N4BP2: variants seen among roughly 807,000 people sequenced by gnomAD.
N4BP2 encodes the protein NEDD4-binding protein 2.
Under a neutral mutation model 152.8 loss-of-function variants are expected in N4BP2, and 91 were observed. That is an observed-to-expected ratio of 0.60 (90% CI 0.50 to 0.71). The LOEUF (loss-of-function observed/expected upper bound fraction) is 0.71, where lower values mean the gene tolerates loss of function less well. Among genes scored for constraint, N4BP2 ranks in the 30% least tolerant of loss-of-function variants. The probability of loss-of-function intolerance (pLI) is 0.00; values close to 1 mark genes in which losing one functional copy is unlikely to be tolerated. For synonymous variants in N4BP2, 646 were observed against 705.3 expected, an observed-to-expected ratio of 0.92 and a Z score of 1.33; for missense variants, 1,923 against 2,059.1, an observed-to-expected ratio of 0.93 and a Z score of 1.28.
At chr4:40,067,054 CTTTTTTTTTT>C (rs34768159) in intron 1 of N4BP2, among the ~76,000 whole-genome samples, 1 of 91,618 alleles carries the variant, frequency 1.1e-5, no homozygotes, top group Non-Finnish European at 2.1e-5. Context: ...ACCTAATTTC[CTTTTTTTTTT>C]TTTTTTTTTT....
rs183593537 is a variant in N4BP2, at chr4:40,105,460, G to C, written c.1374-1440G>C. Among the ~76,000 whole-genome samples, 5 of 151,940 alleles carry C rather than the reference G, an allele frequency of 3.3e-5. No individual in the cohort carries two copies. The East Asian group carries it at 9.7e-4, about 29-fold the overall frequency. On this transcript the variant is annotated intron_variant, in intron 4 of 17. Transcript: ENST00000261435. ...CAGCCTCGGTCTCCTGAGTAGCTGG[G>C]ATTACAGGTATCTGCTGCCACCCCC...
In N4BP2 at chr4:40,120,337, T is replaced by C; in HGVS notation, c.2226T>C (p.Ser742=). 2 of 1,612,926 alleles carry C rather than the reference T, an allele frequency of 1.2e-6. No homozygotes were observed. Among genetic ancestry groups the C allele is most frequent in the African/African-American group, 1.3e-5 (1 of 74,834 alleles). The change falls in exon 9 of 18, where the codon AGT becomes AGC. Residue 742 remains serine (S), a synonymous_variant. Transcript: ENST00000261435. ...AAGAAGACTGTGATCTTGCAAATAG[T>C]GGACCACTTCAAAATGAAAAATCCT... ...NNQEDCDLAN[S]GPLQNEKSSP...
chr4:40,119,096 T>C (rs1717613173), intron 8 of N4BP2, among the ~76,000 whole-genome samples: 1 of 152,238 alleles, frequency 6.6e-6, no homozygotes, highest in Non-Finnish European at 1.5e-5. Context: ...TTGTCATCTC[T>C]GACAAGTTAC....
At chr4:40,072,220 C>T (rs1476576913) in intron 1 of N4BP2, among the ~76,000 whole-genome samples, 3 of 149,836 alleles carry the variant, frequency 2.0e-5, no homozygotes, top group South Asian at 2.1e-4. Flanking sequence ...AGACTACAGG[C>T]GTGTGCCACT....
intron 16 of N4BP2, among the ~76,000 whole-genome samples, chr4:40,150,407 C>A (rs1336639163): frequency 6.6e-6 from 1 of 152,154 alleles, no homozygotes; most frequent in East Asian, 1.9e-4. Flanking sequence ...TGGCTCATGC[C>A]TGTAATTCCA....
chr4:40,112,158 C>G lies in N4BP2; in HGVS notation c.1573C>G (p.Pro525Ala). Reference sequence around the variant, plus strand: ...AAACCTACAGGCATGGGAAATGAAACCATATGTTGCTTTGGTTAGTACCAT... The same window carrying G: ...AAACCTACAGGCATGGGAAATGAAAGCATATGTTGCTTTGGTTAGTACCAT... Reference protein sequence around the residue: ...NTNLQAWEMKPYVALSQKHKY... With the variant: ...NTNLQAWEMKAYVALSQKHKY... Residue 525 changes from proline (P) to alanine (A), a missense_variant, in exon 6 of 18, where the codon CCA (proline) becomes GCA (alanine). Physicochemically the swap from Pro to Ala is conservative, Grantham distance 27 (BLOSUM62 -1). Transcript: ENST00000261435. 1 of 1,564,592 alleles carries G rather than the reference C, an allele frequency of 6.4e-7. No homozygotes were observed. The highest frequency in any genetic ancestry group is 2.3e-5 in the East Asian group (1 of 44,150).
chr4:40,151,789 T>C (rs11735928), intron 16 of N4BP2, among the ~76,000 whole-genome samples: 27,369 of 152,190 alleles, frequency 0.18, 3,070 homozygotes, highest in Admixed American at 0.26. Context: ...ATGGAGATCA[T>C]AGACAAGGAA....
intron 2 of N4BP2, among the ~76,000 whole-genome samples, chr4:40,088,272 A>G (rs761438302): frequency 6.6e-6 from 1 of 152,190 alleles, no homozygotes; most frequent in Non-Finnish European, 1.5e-5. Context: ...TTAGATGAAT[A>G]TAATTTTTCA....
In N4BP2 at chr4:40,102,347, C is replaced by T; in HGVS notation, c.502C>T (p.Gln168Ter). ...DDQVYSFLPS[Q>*]DVNSFNDSSE... ...CCAAGTATACTCATTTTTGCCTTCA[C>T]AAGATGTTAATAGTTTTAATGACTC... The change falls in exon 4 of 18, where the codon CAA (glutamine) becomes TAA (stop). Residue 168 changes from glutamine (Q) to a stop codon, truncating the protein, a stop_gained. Coordinates refer to ENST00000261435, the MANE Select transcript of N4BP2 (RefSeq NM_018177.6). LOFTEE classifies it high-confidence loss of function. 1 of 1,613,014 alleles carries T rather than the reference C, an allele frequency of 6.2e-7. No homozygotes were observed. Among genetic ancestry groups the T allele is most frequent in the Non-Finnish European group, 8.5e-7 (1 of 1,179,684 alleles).
In N4BP2 at chr4:40,087,266, T is replaced by A. The variant is rs113248831; in HGVS notation, c.-114-9961T>A. Among the ~76,000 whole-genome samples the A allele has an allele frequency of 4.1e-3, 618 of 151,078 alleles. 8 individuals are homozygous for A. The highest frequency in any genetic ancestry group is 0.014 in the African/African-American group (589 of 41,300). On this transcript the variant is annotated intron_variant, in intron 2 of 17. Coordinates refer to ENST00000261435, the MANE Select transcript of N4BP2 (RefSeq NM_018177.6). ...CTTTCCTTTTCCCCTTCCCCTCCTT[T>A]AAAAAAAAAATTTTTTTTAAAGGAG...
At chr4:40,104,420 TTG>T (rs1241300387) in intron 4 of N4BP2, among the ~76,000 whole-genome samples, 28 of 134,068 alleles carry the variant, frequency 2.1e-4, no homozygotes, top group African/African-American at 3.8e-4. Flanking sequence ...TTTTTTTTTT[TTG>T]ATATCTTTTC....
chr4:40,100,157 A>G, intron 3 of N4BP2: 2 of 441,792 alleles, frequency 4.5e-6, no homozygotes, highest in Non-Finnish European at 4.6e-6. Flanking sequence ...CATATTACAA[A>G]TGAGAAAATC....
chr4:40,174,750 C>T, the N4BP2 span, among the ~76,000 whole-genome samples: 4 of 152,000 alleles, frequency 2.6e-5, no homozygotes, highest in East Asian at 1.9e-4. Flanking sequence ...TGCAGTGAGC[C>T]GAGATCGCGC....
the N4BP2 span, among the ~76,000 whole-genome samples, chr4:40,189,265 A>G: frequency 6.6e-6 from 1 of 152,212 alleles, no homozygotes; most frequent in Admixed American, 6.5e-5. This position sits in a 1 kb window ranked among gnomAD's most constrained non-coding sequence, Gnocchi z 4.3. Flanking sequence ...AAAAGCTCCT[A>G]CAACCCTACA....
chr4:40,074,043 C>T (rs558333816), intron 2 of N4BP2, among the ~76,000 whole-genome samples: 149 of 152,238 alleles, frequency 9.8e-4, no homozygotes, highest in African/African-American at 3.3e-3. Context: ...CCGCCCGCCT[C>T]AGCCTCCCAA....
rs961060428 is a variant in N4BP2 at position 40,101,560 on chromosome 4, AT to A, written c.230-506del. Among the ~76,000 whole-genome samples the A allele has an allele frequency of 4.6e-5, 7 of 151,908 alleles. No homozygotes were observed. In the East Asian group the frequency reaches 1.4e-3, roughly 29 times the overall value. ...GCAAAGTTCTTTGAGCATATTAAAG[AT>A]TTTTTTTTACAAAATATTTCTGATA... On this transcript the variant is annotated intron_variant, in intron 3 of 17. Transcript: ENST00000261435.
At position 40,139,455 on chromosome 4, in the gene N4BP2, T is replaced by C. The variant is rs141673295; in HGVS notation, c.4785+2373T>C. ...TTATTACAAATACATAGACATGCAG[T>C]TGGGTTTTTTGTATTAATTTTGTAT... On this transcript the variant is annotated intron_variant, in intron 14 of 17. Coordinates refer to ENST00000261435, the MANE Select transcript of N4BP2 (RefSeq NM_018177.6). 7.4e-4 allele frequency among the ~76,000 whole-genome samples: 112 copies of C among 151,812 alleles called. 1 individual carries two copies. The East Asian group carries it at 0.019, about 25-fold the overall frequency.
intron 14 of N4BP2, among the ~76,000 whole-genome samples, chr4:40,140,565 T>G (rs964034381): frequency 5.9e-5 from 9 of 151,960 alleles, no homozygotes; most frequent in Admixed American, 3.3e-4. Context: ...CTGGAAATTA[T>G]TTTTGCACTT....
At chr4:40,150,359 A>T (rs1200026150) in intron 16 of N4BP2, among the ~76,000 whole-genome samples, 1 of 152,180 alleles carries the variant, frequency 6.6e-6, no homozygotes, top group Non-Finnish European at 1.5e-5. Context: ...CAGTCAGCAA[A>T]ATTCAGATTG....
Sources: allele counts gnomAD v4.1 joint callset (sites outside exome capture counted in the v4.1 genomes callset), GRCh38; gene constraint gnomAD v4.1.1; non-coding constraint Gnocchi (gnomAD v3.1); transcripts MANE v1.5; gene names NCBI Gene and HGNC (gene_info 2026-07-23, HGNC 2026-07-21).